The following SORCS3 variants were observed in gnomAD, a reference collection of about 807,000 sequenced individuals.
SORCS3 encodes VPS10 domain-containing receptor SorCS3.
Under a neutral mutation model 146.3 loss-of-function variants are expected in SORCS3, and 57 were observed. The ratio of observed to expected loss-of-function variants is 0.39; its 90% CI spans 0.31 to 0.49. SORCS3 has a LOEUF of 0.49. SORCS3 is among the 20% of genes least tolerant of loss of function. The probability of loss-of-function intolerance (pLI) is 0.92; values close to 1 mark genes in which losing one functional copy is unlikely to be tolerated. For missense variants in SORCS3, 1,341 were observed against 1,575.5 expected, an observed-to-expected ratio of 0.85 and a Z score of 2.52; for synonymous variants, 653 against 618.5, an observed-to-expected ratio of 1.06 and a Z score of -0.83.
intron 3 of SORCS3, among the ~76,000 whole-genome samples, chr10:104,975,012 C>T (rs888860970): frequency 1.5e-4 from 23 of 152,024 alleles, no homozygotes; most frequent in Admixed American, 1.2e-3. Context: ...TTAAGAATGT[C>T]AAATATTGGC....
At chr10:104,937,725 G>A (rs934978314) in intron 3 of SORCS3, among the ~76,000 whole-genome samples, 9 of 152,184 alleles carry the variant, frequency 5.9e-5, no homozygotes, top group African/African-American at 1.7e-4. Context: ...AAAAGAATGA[G>A]TGAGTCAATT....
chr10:105,233,418 T>A (rs1324921209), intron 20 of SORCS3, among the ~76,000 whole-genome samples: 1 of 152,188 alleles, frequency 6.6e-6, no homozygotes, highest in African/African-American at 2.4e-5. Flanking sequence ...TTTCTTTTTT[T>A]AATTATACTT....
intron 1 of SORCS3, among the ~76,000 whole-genome samples, chr10:104,750,327 C>T (rs2016969433): frequency 6.6e-6 from 1 of 152,158 alleles, no homozygotes; most frequent in South Asian, 2.1e-4. Flanking sequence ...ACCTCGGCAA[C>T]ATATCTGAAC....
chr10:104,805,887 TTCTTTTTC>T (rs1164661331), intron 1 of SORCS3, among the ~76,000 whole-genome samples: 6 of 152,174 alleles, frequency 3.9e-5, no homozygotes, highest in Non-Finnish European at 5.9e-5. Flanking sequence ...ATTCTTTTCT[TTCTTTTTC>T]TCTTTTTCTC....
chr10:104,786,684 T>C (rs532350947), intron 1 of SORCS3, among the ~76,000 whole-genome samples: 7 of 152,166 alleles, frequency 4.6e-5, no homozygotes, highest in Admixed American at 3.9e-4. Flanking sequence ...GTGCAGAGCA[T>C]GTGCTGGGTG....
At chr10:104,660,339 A>G (rs954506599) in intron 1 of SORCS3, among the ~76,000 whole-genome samples, 1 of 152,108 alleles carries the variant, frequency 6.6e-6, no homozygotes, top group Non-Finnish European at 1.5e-5. Context: ...GGTAGGACCT[A>G]TTGTTTCTAG....
At chr10:105,032,987 T>A (rs1204838699) in intron 4 of SORCS3, among the ~76,000 whole-genome samples, 1 of 152,182 alleles carries the variant, frequency 6.6e-6, no homozygotes, top group Non-Finnish European at 1.5e-5. Flanking sequence ...ATTTATGAAT[T>A]GCAGCATATA....
intron 3 of SORCS3, among the ~76,000 whole-genome samples, chr10:104,972,745 T>A (rs1011959618): frequency 6.6e-6 from 1 of 151,860 alleles, no homozygotes; most frequent in South Asian, 2.1e-4. Context: ...AATAGGAGTG[T>A]TGAGAGAGGG....
At chr10:105,013,982 GACACACACACACAC>G (rs71952036) in intron 4 of SORCS3, among the ~76,000 whole-genome samples, 1 of 144,660 alleles carries the variant, frequency 6.9e-6, no homozygotes, top group Non-Finnish European at 1.5e-5. Context: ...CAGACACACA[GACACACACACACAC>G]ACACACACAC....
intron 3 of SORCS3, among the ~76,000 whole-genome samples, chr10:104,936,998 G>C (rs7075231): frequency 0.28 from 41,998 of 152,056 alleles, 7,466 homozygotes; most frequent in African/African-American, 0.51. Context: ...TTGGTACCAG[G>C]GACCAGTTTT....
chr10:104,907,087 C>T (rs1158489037), intron 2 of SORCS3, among the ~76,000 whole-genome samples: 1 of 151,532 alleles, frequency 6.6e-6, no homozygotes, highest in Non-Finnish European at 1.5e-5. Context: ...AGGTCAATAA[C>T]TCTGGTATCT....
At chr10:104,807,538 A>G (rs1378871621) in intron 1 of SORCS3, among the ~76,000 whole-genome samples, 1 of 152,200 alleles carries the variant, frequency 6.6e-6, no homozygotes, top group African/African-American at 2.4e-5. Flanking sequence ...GGAAGAAGAA[A>G]AGAGATGAGT....
At chr10:105,025,803 G>A (rs953571365) in intron 4 of SORCS3, among the ~76,000 whole-genome samples, 5 of 147,350 alleles carry the variant, frequency 3.4e-5, no homozygotes, top group African/African-American at 1.0e-4. Flanking sequence ...GTGAATATCC[G>A]ATGCCTGTAC....
intron 6 of SORCS3, among the ~76,000 whole-genome samples, chr10:105,095,599 C>T (rs1290932293): frequency 3.9e-5 from 6 of 152,208 alleles, no homozygotes; most frequent in African/African-American, 1.4e-4. Context: ...GGTTGCACTG[C>T]CCTGGCTGAA....
chr10:104,980,460 T>G (rs1260367897), intron 4 of SORCS3, among the ~76,000 whole-genome samples: 1 of 152,234 alleles, frequency 6.6e-6, no homozygotes, highest in African/African-American at 2.4e-5. Flanking sequence ...AGGAGAGTGA[T>G]GCTGTGCAGC....
intron 3 of SORCS3, among the ~76,000 whole-genome samples, chr10:104,976,917 G>C (rs1188013893): frequency 6.6e-6 from 1 of 152,100 alleles, no homozygotes; most frequent in African/African-American, 2.4e-5. Context: ...TGTGGGGTGG[G>C]GGAAGGTGGG....
chr10:104,878,770 G>A (rs2018601600), intron 2 of SORCS3, among the ~76,000 whole-genome samples: 1 of 152,206 alleles, frequency 6.6e-6, no homozygotes, highest in African/African-American at 2.4e-5. Context: ...CAGTCTGAAT[G>A]CACTGTATGT....
At chr10:105,006,085 G>T (rs1324869877) in intron 4 of SORCS3, among the ~76,000 whole-genome samples, 2 of 152,260 alleles carry the variant, frequency 1.3e-5, no homozygotes, top group African/African-American at 2.4e-5. Context: ...GGGATTACAG[G>T]CACATGCCAT....
chr10:105,016,765 T>A lies in SORCS3; in HGVS notation c.955-26290T>A, dbSNP rs141535726. On this transcript the variant is annotated intron_variant, in intron 4 of 26. Transcript: ENST00000369701. Reference sequence around the variant, plus strand: ...GTATTATTTCTGTCCGCCACTTCAATCTCTTGTCCTGGCAGAGGTTGCATT... The same window carrying A: ...GTATTATTTCTGTCCGCCACTTCAAACTCTTGTCCTGGCAGAGGTTGCATT... Among the ~76,000 whole-genome samples, 327 of 152,266 alleles carry A rather than the reference T, an allele frequency of 2.1e-3. 3 individuals are homozygous for A. The highest frequency in any genetic ancestry group is 7.3e-3 in the African/African-American group (304 of 41,554).
Sources: gnomAD v4.1 joint callset for allele counts (sites outside exome capture counted in the v4.1 genomes callset) on GRCh38, gnomAD v4.1.1 for gene constraint, MANE v1.5 for transcripts, NCBI Gene and HGNC (gene_info 2026-07-23, HGNC 2026-07-21) for gene names.